The following PARP6 variants were observed in gnomAD, a reference collection of about 807,000 sequenced individuals.
The protein encoded by PARP6 is protein mono-ADP-ribosyltransferase PARP6.
Under a neutral mutation model 92.0 loss-of-function variants are expected in PARP6, and 27 were observed. That is an observed-to-expected ratio of 0.29 (90% CI 0.22 to 0.40). PARP6 has a LOEUF of 0.40. Ranked by LOEUF, PARP6 falls within the 10% of genes least tolerant of loss-of-function variation. The pLI, the probability that PARP6 is intolerant of heterozygous loss-of-function variation, is 1.00. For synonymous variants in PARP6, 272 were observed against 281.2 expected, an observed-to-expected ratio of 0.97 and a Z score of 0.33; for missense variants, 501 against 784.5, an observed-to-expected ratio of 0.64 and a Z score of 4.32.
chr15:72,263,022 TG>T (rs2086104571), intron 8 of PARP6, among the ~76,000 whole-genome samples: 1 of 152,220 alleles, frequency 6.6e-6, no homozygotes, highest in Admixed American at 6.5e-5. Flanking sequence ...ACATATACTC[TG>T]GTAAGTAGCA....
At chr15:72,270,915 C>A (rs563161028) in intron 2 of PARP6, 108 bp downstream of exon 2, 1 of 152,250 alleles carries the variant, frequency 6.6e-6, no homozygotes, top group Non-Finnish European at 1.5e-5. Flanking sequence ...ATGAATGAAC[C>A]CTCTGCTGGA....
intron 20 of PARP6, chr15:72,245,479 C>G (rs1481617275): frequency 6.6e-6 from 1 of 152,210 alleles, no homozygotes; most frequent in Non-Finnish European, 1.5e-5. Context: ...TGGGTGGAGA[C>G]ACAGCCAAAC....
intron 20 of PARP6, 182 bp downstream of exon 20, chr15:72,249,063 T>G (rs1288621959): frequency 4.8e-6 from 2 of 418,892 alleles, no homozygotes; most frequent in Non-Finnish European, 8.6e-6. Flanking sequence ...GGCCTCACCT[T>G]GTAAAGAATC....
Position 72,267,589 on chromosome 15 carries a change from A to G in PARP6, c.-112T>C, listed in dbSNP as rs1054332534. 4 of 1,133,072 alleles carry G rather than the reference A, an allele frequency of 3.5e-6. No individual in the cohort carries two copies. The highest frequency in any genetic ancestry group is 1.5e-5 in the African/African-American group (1 of 65,566). The allele number at this position is 1,133,072 out of a possible 1,614,324, so 70.2% of individuals were successfully genotyped here. ...CATTTAGGAGACCACAAAGGGAGAC[A>G]AGGTAGGGCACGATGTCAGGGACAA... On this transcript the variant is annotated 5_prime_UTR_variant, in exon 3 of 24. Coordinates refer to ENST00000569795, the MANE Select transcript of PARP6 (RefSeq NM_001323532.2).
intron 12 of PARP6, among the ~76,000 whole-genome samples, chr15:72,257,800 A>ATT (rs1408925090): frequency 2.3e-4 from 35 of 152,364 alleles, no homozygotes; most frequent in African/African-American, 8.2e-4. Flanking sequence ...CTTGGTCAAT[A>ATT]TCTGATCCCC....
At chr15:72,249,064 G>GAATTAGATTCTTATTAGAATC in intron 20 of PARP6, 181 bp downstream of exon 20, 1 of 421,844 alleles carries the variant, frequency 2.4e-6, no homozygotes, top group Non-Finnish European at 4.3e-6. Flanking sequence ...GCCTCACCTT[G>GAATTAGATTCTTATTAGAATC]TAAAGAATCT....
intron 18 of PARP6, chr15:72,250,513 CTT>C: frequency 9.0e-6 from 3 of 334,130 alleles, no homozygotes; most frequent in South Asian, 3.9e-5. Context: ...TAATACCTCT[CTT>C]TCTCTTTCCC....
chr15:72,259,712 C>A, intron 10 of PARP6, 51 bp from the exon 11 acceptor site: 2 of 1,504,610 alleles, frequency 1.3e-6, no homozygotes, highest in South Asian at 1.1e-5. Context: ...AAGCTGGGGC[C>A]TAGACAGACC....
At chr15:72,270,047 A>G (rs961421044) in intron 2 of PARP6, among the ~76,000 whole-genome samples, 10 of 152,162 alleles carry the variant, frequency 6.6e-5, no homozygotes, top group African/African-American at 2.4e-4. Flanking sequence ...TGTTCTAAGG[A>G]CCTGTGGTTC....
chr15:72,257,379 C>T lies in PARP6; in HGVS notation c.968G>A (p.Gly323Glu), dbSNP rs772662419. The stretch of plus-strand genomic sequence containing the variant: ...TCCAGTGGCCACCTCCTCTGCAGCT[C>T]CAGACATGACGCCCAGTGTGTAGAA... ...FSFYTLGVMS[G>E]AAEEVATGAE... The change falls in exon 13 of 24, where the codon GGA becomes GAA. Residue 323 changes from glycine (G) to glutamate (E), a missense_variant. Around this residue, in one of 4 missense-constraint regions of PARP6, gnomAD observed 191 missense variants for 399.1 expected, o/e 0.48. Coordinates refer to ENST00000569795, the MANE Select transcript of PARP6 (RefSeq NM_001323532.2). 1.2e-6 allele frequency: 2 copies of T among 1,614,074 alleles called. No individual in the cohort carries two copies. Among genetic ancestry groups the T allele is most frequent in the South Asian group, 2.2e-5 (2 of 91,078 alleles).
chr15:72,263,166 T>C (rs1211031644), intron 8 of PARP6, among the ~76,000 whole-genome samples: 1 of 152,218 alleles, frequency 6.6e-6, no homozygotes, highest in African/African-American at 2.4e-5. Context: ...TTTACATTGG[T>C]GGTATCACAA....
chr15:72,249,889 T>C (rs2084112288), intron 19 of PARP6, 131 bp downstream of exon 19: 1 of 655,658 alleles, frequency 1.5e-6, no homozygotes, highest in Admixed American at 2.3e-5. Flanking sequence ...ACTTCCTCTC[T>C]AGGGAACTCC....
chr15:72,261,746 C>G, intron 8 of PARP6, 39 bp from the exon 9 acceptor site: 1 of 1,604,288 alleles, frequency 6.2e-7, no homozygotes. Context: ...CAAGATGAGG[C>G]AGGGTCAAGA....
chr15:72,263,324 C>A (rs1220040272), intron 8 of PARP6, among the ~76,000 whole-genome samples: 1 of 152,196 alleles, frequency 6.6e-6, no homozygotes, highest in East Asian at 1.9e-4. Context: ...CATCTCCATT[C>A]TCACCTATAA....
In PARP6 at chr15:72,241,801, A is replaced by G; in HGVS notation, c.1790+100T>C. Reference sequence around the variant, plus strand: ...CAGCTCCACTCAGGTAGCCAAGGACATGTCTCAGATAACAGAAATAGACTT... The same window carrying G: ...CAGCTCCACTCAGGTAGCCAAGGACGTGTCTCAGATAACAGAAATAGACTT... On this transcript the variant is annotated intron_variant, in intron 23 of 23. Transcript: ENST00000569795. The surrounding 1 kb of genome is among the most constrained non-coding windows in gnomAD (Gnocchi z 4.1). 1.1e-6 allele frequency: 1 copy of G among 912,228 alleles called. No homozygotes were observed. 56.5% of individuals were successfully genotyped at this position (912,228 alleles called of 1,614,324 possible). A position where few individuals can be genotyped will look rare whatever the true frequency, so the allele number is the denominator to read the frequency against.
intron 20 of PARP6, among the ~76,000 whole-genome samples, chr15:72,246,916 G>A (rs1182128360): frequency 6.6e-6 from 1 of 151,758 alleles, no homozygotes; most frequent in Non-Finnish European, 1.5e-5. Flanking sequence ...CACCACGCCT[G>A]GCTAATTTTC....
At chr15:72,251,578 G>C (rs1441959207) in intron 16 of PARP6, among the ~76,000 whole-genome samples, 3 of 152,042 alleles carry the variant, frequency 2.0e-5, no homozygotes, top group Non-Finnish European at 4.4e-5. Flanking sequence ...GAGCACAGAG[G>C]TCACCTACAA....
At chr15:72,253,847 A>C in intron 15 of PARP6, 1 of 479,560 alleles carries the variant, frequency 2.1e-6, no homozygotes, top group Non-Finnish European at 4.1e-6. Context: ...TAAATCTTTA[A>C]ATAATGCAAA....
At chr15:72,244,008 A>C (rs2083340835) in intron 20 of PARP6, 1 of 152,218 alleles carries the variant, frequency 6.6e-6, no homozygotes, top group Non-Finnish European at 1.5e-5. Flanking sequence ...TGACAGATTT[A>C]GGTAGGGCCT....
Sources: gnomAD v4.1 joint callset for allele counts (sites outside exome capture counted in the v4.1 genomes callset) on GRCh38, gnomAD v4.1.1 for gene constraint, gnomAD v4.1.1 regional missense constraint, Gnocchi (gnomAD v3.1) non-coding constraint, MANE v1.5 for transcripts, NCBI Gene and HGNC (gene_info 2026-07-23, HGNC 2026-07-21) for gene names.